Variants in NEDD4 observed in about 807,000 individuals in gnomAD.
NEDD4 encodes the protein E3 ubiquitin-protein ligase NEDD4.
Under a neutral mutation model 144.9 loss-of-function variants are expected in NEDD4, and 99 were observed. The ratio of observed to expected loss-of-function variants is 0.68; its 90% CI spans 0.58 to 0.81. The LOEUF (loss-of-function observed/expected upper bound fraction) is 0.81. Among genes scored for constraint, NEDD4 ranks in the 30% least tolerant of loss-of-function variants. NEDD4 has a pLI of 0.00. For synonymous variants in NEDD4, 318 were observed against 350.6 expected (o/e 0.91, Z 1.04); for missense variants, 985 against 1,065.9 (o/e 0.92, Z 1.06).
At chr15:55,885,716 G>A (rs2142103769) in intron 5 of NEDD4, among the ~76,000 whole-genome samples, 1 of 151,956 alleles carries the variant, frequency 6.6e-6, no homozygotes, top group South Asian at 2.1e-4. Flanking sequence ...TTAAAAGACA[G>A]AAATTAAAAC....
At chr15:55,974,541 T>A (rs575606077) in intron 1 of NEDD4, among the ~76,000 whole-genome samples, 3 of 152,048 alleles carry the variant, frequency 2.0e-5, no homozygotes, top group African/African-American at 7.2e-5. Flanking sequence ...AAACCAAATT[T>A]GACAACACAT....
intron 4 of NEDD4, among the ~76,000 whole-genome samples, chr15:55,942,963 T>G (rs538136634): frequency 6.6e-6 from 1 of 152,310 alleles, no homozygotes; most frequent in African/African-American, 2.4e-5. Context: ...TTTTGGGAAC[T>G]GAAATAAAGG....
intron 4 of NEDD4, among the ~76,000 whole-genome samples, chr15:55,931,799 T>C (rs532047513): frequency 8.5e-5 from 13 of 152,340 alleles, no homozygotes; most frequent in African/African-American, 2.9e-4. Context: ...CTTTGAAGTA[T>C]ACAATTCAAT....
At chr15:55,938,085 G>A (rs962639077) in intron 4 of NEDD4, among the ~76,000 whole-genome samples, 1 of 152,214 alleles carries the variant, frequency 6.6e-6, no homozygotes, top group Non-Finnish European at 1.5e-5. Context: ...TGGTGGCCAG[G>A]CGCAGTGGCT....
chr15:55,956,962 C>T (rs1040877287), intron 2 of NEDD4, among the ~76,000 whole-genome samples: 3 of 152,122 alleles, frequency 2.0e-5, no homozygotes, highest in African/African-American at 2.4e-5. Context: ...ATGTTGTCTT[C>T]GACTTCTCTC....
chr15:55,856,720 G>C (rs1000464471), intron 11 of NEDD4, among the ~76,000 whole-genome samples: 4 of 152,082 alleles, frequency 2.6e-5, no homozygotes, highest in African/African-American at 9.7e-5. Flanking sequence ...GCCTCTTCCT[G>C]ACTTCTTCAG....
intron 15 of NEDD4, 80 bp from the exon 16 acceptor site, chr15:55,848,655 T>C (rs1230413251): frequency 7.6e-7 from 1 of 1,320,942 alleles, no homozygotes; most frequent in Non-Finnish European, 1.1e-6. Context: ...GGTTGTATGG[T>C]TAATTTAACT....
chr15:55,855,121 T>C (rs1595753455), intron 12 of NEDD4, among the ~76,000 whole-genome samples: 2 of 152,230 alleles, frequency 1.3e-5, no homozygotes, highest in African/African-American at 2.4e-5. Flanking sequence ...CAATGATGCA[T>C]AGGTGGGCGA....
chr15:55,883,726 C>CAG (rs1491350849), intron 5 of NEDD4, among the ~76,000 whole-genome samples: 2 of 141,058 alleles, frequency 1.4e-5, no homozygotes, highest in African/African-American at 5.3e-5. Flanking sequence ...CACACACACA[C>CAG]AGAAAGAGAA....
chr15:55,896,562 T>C (rs1313170614), intron 5 of NEDD4, among the ~76,000 whole-genome samples: 1 of 152,150 alleles, frequency 6.6e-6, no homozygotes, highest in Non-Finnish European at 1.5e-5. Context: ...TCCCTTTGTA[T>C]CTGTTTTTAA....
At chr15:55,944,934 G>A (rs2037081296) in intron 4 of NEDD4, among the ~76,000 whole-genome samples, 1 of 152,132 alleles carries the variant, frequency 6.6e-6, no homozygotes, top group African/African-American at 2.4e-5. Flanking sequence ...GTGTTAGACG[G>A]AAAACTAACA....
intron 5 of NEDD4, among the ~76,000 whole-genome samples, chr15:55,903,083 AC>A (rs1315314698): frequency 6.6e-6 from 1 of 152,078 alleles, no homozygotes; most frequent in African/African-American, 2.4e-5. Flanking sequence ...TAATCCCTAA[AC>A]TTTTTTTTCA....
intron 1 of NEDD4, among the ~76,000 whole-genome samples, chr15:55,983,417 C>T (rs966071026): frequency 8.5e-5 from 13 of 152,132 alleles, no homozygotes; most frequent in African/African-American, 2.9e-4. Context: ...CATCTGCTGA[C>T]GTTGTGCCTC....
In NEDD4 at chr15:55,928,157, G is replaced by A. The variant is rs1181499905; in HGVS notation, c.238-3458C>T. Among the ~76,000 whole-genome samples the A allele has an allele frequency of 1.5e-4, 23 of 152,034 alleles. No individual in the cohort carries two copies. In the East Asian group the frequency reaches 2.3e-3, roughly 15 times the overall value. ...CCCAAGTAGCTGGGACTACAGGGGC[G>A]TGCCACCAGGCCTGGCTAATTTTTG... On this transcript the variant is annotated intron_variant, in intron 4 of 28. Transcript: ENST00000435532.
intron 4 of NEDD4, among the ~76,000 whole-genome samples, chr15:55,933,931 G>A (rs7166810): frequency 0.63 from 95,585 of 151,880 alleles, 30,477 homozygotes; most frequent in East Asian, 0.75. Context: ...AGGCAGGCAG[G>A]TCACCTGAGG....
intron 5 of NEDD4, among the ~76,000 whole-genome samples, chr15:55,890,048 T>C (rs1473860364): frequency 2.0e-5 from 3 of 152,162 alleles, no homozygotes; most frequent in East Asian, 1.9e-4. Flanking sequence ...TTCTACTGTT[T>C]GTAACAGAAA....
chr15:55,936,201 CA>C (rs746641654), intron 4 of NEDD4, among the ~76,000 whole-genome samples: 10 of 152,168 alleles, frequency 6.6e-5, no homozygotes, highest in Non-Finnish European at 1.5e-4. Context: ...TCTCCGGTAT[CA>C]TTGTTTTCCC....
chr15:55,985,754 T>A (rs1339428456), intron 1 of NEDD4, among the ~76,000 whole-genome samples: 4 of 111,572 alleles, frequency 3.6e-5, no homozygotes, highest in African/African-American at 1.7e-4. Flanking sequence ...GTGTGTAGAG[T>A]ACACATACAC....
chr15:55,947,939 A>G (rs2037153272), intron 4 of NEDD4, among the ~76,000 whole-genome samples: 1 of 152,196 alleles, frequency 6.6e-6, no homozygotes, highest in South Asian at 2.1e-4. Flanking sequence ...ATAGTGTTAG[A>G]AGTTCTGGCC....
Sources: gnomAD v4.1 joint callset for allele counts (sites outside exome capture counted in the v4.1 genomes callset) on GRCh38, gnomAD v4.1.1 for gene constraint, MANE v1.5 for transcripts, NCBI Gene and HGNC (gene_info 2026-07-23, HGNC 2026-07-21) for gene names.